Variants in MORC2 observed in about 807,000 individuals in gnomAD.
MORC2 encodes the protein ATPase MORC2.
MORC2 carries 30 observed loss-of-function variants against 136.0 expected under a neutral mutation model. The ratio of observed to expected loss-of-function variants is 0.22; its 90% CI spans 0.17 to 0.30. The LOEUF (loss-of-function observed/expected upper bound fraction) is 0.30, where lower values mean the gene tolerates loss of function less well. MORC2 is among the 10% of genes least tolerant of loss of function. The pLI, the probability that MORC2 is intolerant of heterozygous loss-of-function variation, is 1.00. For missense variants in MORC2, 922 were observed against 1,333.1 expected, an observed-to-expected ratio of 0.69 and a Z score of 4.80; for synonymous variants, 439 against 487.0, an observed-to-expected ratio of 0.90 and a Z score of 1.30.
intron 24 of MORC2, among the ~76,000 whole-genome samples, chr22:30,929,638 CTCAGGAGGCTGAG>C (rs2040542657): frequency 6.6e-6 from 1 of 152,024 alleles, no homozygotes; most frequent in Non-Finnish European, 1.5e-5. Flanking sequence ...GTCCCAGCTA[CTCAGGAGGCTGAG>C]GCAGGAGGCT....
chr22:30,957,296 G>A lies in MORC2; in HGVS notation c.123-499C>T, dbSNP rs117282679. Reference sequence around the variant, plus strand: ...CACTGCAGTCAGCAGACTGATTCCTGAGCCCATAATCTTAACCTCCCTAAA... The same window carrying A: ...CACTGCAGTCAGCAGACTGATTCCTAAGCCCATAATCTTAACCTCCCTAAA... On this transcript the variant is annotated intron_variant, in intron 2 of 25. Transcript: ENST00000397641. 1.5e-3 allele frequency among the ~76,000 whole-genome samples: 225 copies of A among 152,256 alleles called. 6 individuals carry two copies. The East Asian group carries it at 0.034, about 23-fold the overall frequency.
At chr22:30,944,601 C>G (rs557056076) in intron 6 of MORC2, among the ~76,000 whole-genome samples, 25 of 152,276 alleles carry the variant, frequency 1.6e-4, no homozygotes, top group African/African-American at 6.0e-4. Context: ...ATGCCAGACC[C>G]AGACTGCACT....
intron 2 of MORC2, 60 bp from the exon 3 acceptor site, chr22:30,956,857 C>T: frequency 7.5e-7 from 1 of 1,341,842 alleles, no homozygotes; most frequent in Non-Finnish European, 1.0e-6. Flanking sequence ...CATCAAAATG[C>T]ATAGTGATTT....
At chr22:30,957,495 C>T (rs913156650) in intron 2 of MORC2, among the ~76,000 whole-genome samples, 1 of 152,238 alleles carries the variant, frequency 6.6e-6, no homozygotes, top group Non-Finnish European at 1.5e-5. Flanking sequence ...AAAAAATCCA[C>T]ACAGCTCTAC....
rs2040626405 is a variant in MORC2 at position 30,934,741 on chromosome 22, T to G, written c.2193+40A>C. ...CTGCACAATTCCATTCCTACACTAC[T>G]GACACTGGGCTGGGGTATTAAAGAG... On this transcript the variant is annotated intron_variant, in intron 19 of 25. Transcript: ENST00000397641. The surrounding 1 kb of genome is among the most constrained non-coding windows in gnomAD (Gnocchi z 4.4). The G allele has an allele frequency of 6.2e-7, 1 of 1,603,024 alleles. No individual in the cohort carries two copies.
At position 30,950,432 on chromosome 22, in the gene MORC2, G is replaced by T; in HGVS notation, c.171C>A (p.Asp57Glu). The change falls in exon 4 of 26, where the codon GAC becomes GAA. Residue 57 changes from aspartate (D) to glutamate (E), a missense_variant. This residue lies in a region of MORC2 where 57 missense variants were observed against 71.8 expected (regional missense o/e 0.79). Coordinates refer to ENST00000397641, the MANE Select transcript of MORC2 (RefSeq NM_001303256.3). ...RIDIYAERRE[D>E]LRGGFMLCFL... ...AGCAAAGCATAAATCCTCCTCGAAG[G>T]TCCTCTCGTCTTTCTGTAAAAGAAG... 1 of 1,588,630 alleles carries T rather than the reference G, an allele frequency of 6.3e-7. No homozygotes were observed. Among genetic ancestry groups the T allele is most frequent in the Non-Finnish European group, 8.5e-7 (1 of 1,171,656 alleles).
intron 1 of MORC2, among the ~76,000 whole-genome samples, chr22:30,962,710 G>C (rs1363871034): frequency 1.3e-5 from 2 of 152,038 alleles, no homozygotes; most frequent in African/African-American, 4.8e-5. Flanking sequence ...TAGCCAAAGG[G>C]TACTTTTGTG....
At chr22:30,938,508 G>A (rs1481445563) in intron 12 of MORC2, among the ~76,000 whole-genome samples, 1 of 152,140 alleles carries the variant, frequency 6.6e-6, no homozygotes, top group Non-Finnish European at 1.5e-5. Context: ...ACAATTATAT[G>A]TTGGAATAAA....
rs369530208 is a variant in MORC2 at position 30,926,791 on chromosome 22, T to G, written c.*12A>C. On this transcript the variant is annotated 3_prime_UTR_variant, in exon 26 of 26. Coordinates refer to ENST00000397641, the MANE Select transcript of MORC2 (RefSeq NM_001303256.3). ...GGGCAGGTGGGCAGGGGAGCTGCTCTCTCTCCTGCCTTCAGTCCCCCTTGG... is the reference window on the plus strand; with the variant it reads ...GGGCAGGTGGGCAGGGGAGCTGCTCGCTCTCCTGCCTTCAGTCCCCCTTGG... The G allele has an allele frequency of 1.3e-5, 21 of 1,610,392 alleles. No homozygotes were observed. In the African/African-American group the frequency reaches 1.3e-4, roughly 10 times the overall value.
chr22:30,968,118 G>A lies in MORC2; in HGVS notation c.-229C>T. On this transcript the variant is annotated 5_prime_UTR_variant, in exon 1 of 26. Coordinates refer to ENST00000397641, the MANE Select transcript of MORC2 (RefSeq NM_001303256.3). ...CAATGATTTATGATGTAATATTTTG[G>A]AAGGAACTATGTCATAAATCTGTAG... is the stretch of plus-strand genomic sequence containing the variant. 5.8e-6 allele frequency: 3 copies of A among 515,026 alleles called. No homozygotes were observed. The highest frequency in any genetic ancestry group is 3.5e-6 in the Non-Finnish European group (1 of 288,186). The allele number at this position is 515,026 out of a possible 1,614,324, so 31.9% of individuals were successfully genotyped here.
intron 1 of MORC2, among the ~76,000 whole-genome samples, chr22:30,964,566 AG>A: frequency 6.6e-6 from 1 of 152,234 alleles, no homozygotes; most frequent in Non-Finnish European, 1.5e-5. Flanking sequence ...CATCTGAAGT[AG>A]AAGTCACAAA....
Position 30,941,481 on chromosome 22 carries a change from C to G in MORC2, c.776G>C (p.Gly259Ala). The part of the protein sequence containing the change: ...IDPRMRIFIH[G>A]HKVQTKRLSC... ...GAGCCTCTTGGTCTGCACCTTGTGC[C>G]CATGGATGAAGATCCTCATCCGGGG... Residue 259 changes from glycine to alanine, a missense_variant, in exon 9 of 26, where the codon GGG becomes GCG. Around this residue, in one of 9 missense-constraint regions of MORC2, gnomAD observed 261 missense variants for 354.3 expected, o/e 0.74. Transcript: ENST00000397641. The surrounding 1 kb of genome is among the most constrained non-coding windows in gnomAD (Gnocchi z 4.6). 1 of 1,614,022 alleles carries G rather than the reference C, an allele frequency of 6.2e-7. No homozygotes were observed. Among genetic ancestry groups the G allele is most frequent in the South Asian group, 1.1e-5 (1 of 91,058 alleles).
At chr22:30,960,117 G>A (rs564692322) in intron 1 of MORC2, among the ~76,000 whole-genome samples, 4 of 152,240 alleles carry the variant, frequency 2.6e-5, no homozygotes, top group South Asian at 2.1e-4. Context: ...ACAGGCATGC[G>A]CCACCACACC....
intron 24 of MORC2, among the ~76,000 whole-genome samples, chr22:30,931,758 C>T (rs1405130994): frequency 2.6e-5 from 4 of 152,252 alleles, no homozygotes; most frequent in East Asian, 1.9e-4. Context: ...TCTCAGCACT[C>T]GCTGCTCCTG....
chr22:30,936,541 G>A lies in MORC2; in HGVS notation c.1707C>T (p.Arg569=), dbSNP rs1817618093. The A allele has an allele frequency of 6.2e-7, 1 of 1,614,050 alleles. No individual in the cohort carries two copies. The highest frequency in any genetic ancestry group is 1.3e-5 in the African/African-American group (1 of 74,926). Reference sequence around the variant, plus strand: ...GGGCCTCCAGCTTCTCCTGCTGCTGGCGAATTTTCTCTGTCAGTTGTTTCT... The same window carrying A: ...GGGCCTCCAGCTTCTCCTGCTGCTGACGAATTTTCTCTGTCAGTTGTTTCT... The part of the protein sequence containing the change: ...EKQKQLTEKI[R]QQQEKLEALQ... Residue 569 remains arginine, a synonymous_variant, in exon 17 of 26, where the codon CGC becomes CGT. Transcript: ENST00000397641.
Position 30,942,287 on chromosome 22 carries a change from G to T in MORC2, c.427-16C>A. ...GGACTATCACCTGTGGAGTAAACAT[G>T]AGCAGGCACTTTAAGGGAAGCCCCA... On this transcript the variant is annotated splice_polypyrimidine_tract_variant and intron_variant, in intron 6 of 25. Transcript: ENST00000397641. 1 of 1,600,212 alleles carries T rather than the reference G, an allele frequency of 6.2e-7. No homozygotes were observed.
chr22:30,945,309 T>A (rs1431127779), intron 6 of MORC2, among the ~76,000 whole-genome samples: 1 of 152,238 alleles, frequency 6.6e-6, no homozygotes, highest in East Asian at 1.9e-4. Flanking sequence ...ACCCACTGGC[T>A]TGCTACGTAA....
At chr22:30,936,272 C>A (rs1412726355) in intron 17 of MORC2, among the ~76,000 whole-genome samples, 1 of 152,156 alleles carries the variant, frequency 6.6e-6, no homozygotes, top group African/African-American at 2.4e-5. Context: ...ATGAATTGGA[C>A]CACTTTGAAG....
At chr22:30,958,978 G>T in intron 1 of MORC2, 1 of 276,430 alleles carries the variant, frequency 3.6e-6, no homozygotes, top group Non-Finnish European at 6.8e-6. Flanking sequence ...ACTGCTAAAA[G>T]TGTTTTTCAC....
Sources: gnomAD v4.1 joint callset for allele counts (sites outside exome capture counted in the v4.1 genomes callset) on GRCh38, gnomAD v4.1.1 for gene constraint, gnomAD v4.1.1 regional missense constraint, Gnocchi (gnomAD v3.1) non-coding constraint, MANE v1.5 for transcripts, NCBI Gene and HGNC (gene_info 2026-07-23, HGNC 2026-07-21) for gene names.